Variants in EYA3 observed in about 807,000 individuals in gnomAD.
The protein encoded by EYA3 is EYA transcriptional coactivator and phosphatase 3, also known as protein phosphatase EYA3.
Under a neutral mutation model 80.0 loss-of-function variants are expected in EYA3, and 39 were observed. The observed-to-expected ratio is 0.49, with a 90% CI of 0.38 to 0.64. EYA3 has a LOEUF of 0.64. Ranked by LOEUF, EYA3 falls within the 30% of genes least tolerant of loss-of-function variation. The pLI is 0.00. For synonymous variants in EYA3, 206 were observed against 232.8 expected (o/e 0.88, Z 1.05); for missense variants, 523 against 676.1 (o/e 0.77, Z 2.51).
rs1262851311 is a variant in EYA3, at chr1:27,971,246, G to C, written c.*3220C>G. On this transcript the variant is annotated 3_prime_UTR_variant, in exon 18 of 18. Transcript: ENST00000373871. ...TCAACCCAAGACACACCTCACTCCA[G>C]ATCTACTACTAGAGAGAGCCCTCAC... is the stretch of plus-strand genomic sequence containing the variant. 1 of 152,202 alleles carries C rather than the reference G, an allele frequency of 6.6e-6. No individual in the cohort carries two copies. The highest frequency in any genetic ancestry group is 2.4e-5 in the African/African-American group (1 of 41,376). The allele number at this position is 152,202 out of a possible 1,614,324, so 9.4% of individuals were successfully genotyped here.
At chr1:27,983,809 C>T (rs562890901) in intron 16 of EYA3, among the ~76,000 whole-genome samples, 18 of 152,294 alleles carry the variant, frequency 1.2e-4, no homozygotes, top group African/African-American at 4.3e-4. Context: ...GCGTGTGCCA[C>T]CACGCCCAGC....
At chr1:28,045,046 C>A (rs745523023) in intron 3 of EYA3, among the ~76,000 whole-genome samples, 1 of 152,178 alleles carries the variant, frequency 6.6e-6, no homozygotes, top group Non-Finnish European at 1.5e-5. Context: ...GCTGGAATTA[C>A]AGGTGTGAGC....
At position 28,017,201 on chromosome 1, in the gene EYA3, TAGA is replaced by T. The variant is rs746675388; in HGVS notation, c.535_537del (p.Ser179del). On this transcript the variant is annotated inframe_deletion, in exon 8 of 18. Coordinates refer to ENST00000373871, the MANE Select transcript of EYA3 (RefSeq NM_001990.4). Reference sequence around the variant, plus strand: ...GCTGCTGCTGGAATATTGGCAATTGTAGAAGAAGTAGATATCAGGCTGGCATTT... The same window carrying T: ...GCTGCTGCTGGAATATTGGCAATTGTAGAAGTAGATATCAGGCTGGCATTT... 11 of 1,613,814 alleles carry T rather than the reference TAGA, an allele frequency of 6.8e-6. No homozygotes were observed. The highest frequency in any genetic ancestry group is 1.6e-4 in the Middle Eastern group (1 of 6,080).
chr1:28,061,698 C>T (rs1362069632), intron 1 of EYA3, among the ~76,000 whole-genome samples: 1 of 151,944 alleles, frequency 6.6e-6, no homozygotes, highest in Non-Finnish European at 1.5e-5. Flanking sequence ...CTCCCAGGTT[C>T]ACGCCATTCT....
chr1:28,013,166 C>G lies in EYA3; in HGVS notation c.714G>C (p.Gln238His). The G allele has an allele frequency of 1.2e-6, 2 of 1,614,112 alleles. No homozygotes were observed. Among genetic ancestry groups the G allele is most frequent in the Non-Finnish European group, 1.7e-6 (2 of 1,180,000 alleles). Residue 238 changes from glutamine (Q) to histidine (H), a missense_variant, in exon 9 of 18, where the codon CAG becomes CAC. Physicochemically the swap from Gln to His is conservative, Grantham distance 24. Transcript: ENST00000373871. This position sits in a 1 kb window ranked among gnomAD's most constrained non-coding sequence, Gnocchi z 4.0. ...ESTTLAATTY[Q>H]SEKPSVMAPA... The stretch of plus-strand genomic sequence containing the variant: ...GCGCCATGACACTAGGCTTCTCCGA[C>G]TGGTATGTGGTTGCTGCTAATGTGG...
Position 27,989,660 on chromosome 1 carries a change from G to C in EYA3, c.1418+37C>G, listed in dbSNP as rs376435627. ...CTGAACTGGAGTAGAAGAATATGTC[G>C]CTGAGAGGATGAGACCTAAAAGAAC... On this transcript the variant is annotated intron_variant, in intron 15 of 17. Coordinates refer to ENST00000373871, the MANE Select transcript of EYA3 (RefSeq NM_001990.4). 3.7e-6 allele frequency: 5 copies of C among 1,344,230 alleles called. No individual in the cohort carries two copies. In the African/African-American group the frequency reaches 7.3e-5, roughly 20 times the overall value. The allele number at this position is 1,344,230 out of a possible 1,614,324, so 83.3% of individuals were successfully genotyped here.
At chr1:27,980,432 G>C (rs769671797) in intron 16 of EYA3, among the ~76,000 whole-genome samples, 8 of 152,114 alleles carry the variant, frequency 5.3e-5, no homozygotes, top group Non-Finnish European at 1.2e-4. Context: ...ATATTTTGAG[G>C]ATAAGAACAC....
intron 7 of EYA3, among the ~76,000 whole-genome samples, chr1:28,027,578 C>T (rs1642860617): frequency 6.6e-6 from 1 of 152,152 alleles, no homozygotes; most frequent in Non-Finnish European, 1.5e-5. Flanking sequence ...AAGCAGCTCA[C>T]ATTCAAAGGC....
intron 1 of EYA3, among the ~76,000 whole-genome samples, chr1:28,063,307 T>A (rs78392339): frequency 0.035 from 5,072 of 143,940 alleles, 91 homozygotes; most frequent in Non-Finnish European, 0.046. Context: ...ATATATATAT[T>A]TTTTTTTATT....
chr1:27,989,667 G>A, intron 15 of EYA3, 30 bp downstream of exon 15: 1 of 1,406,492 alleles, frequency 7.1e-7, no homozygotes, highest in Admixed American at 1.8e-5. Context: ...GTCGCTGAGA[G>A]GATGAGACCT....
rs1173842687 is a variant in EYA3 at position 28,014,417 on chromosome 1, CAAAAAAAAAAAAA to C, written c.586-1136_586-1124del. Among the ~76,000 whole-genome samples the C allele has an allele frequency of 4.8e-4, 24 of 49,534 alleles. No homozygotes were observed. The South Asian group carries it at 0.012, about 24-fold the overall frequency. 32.5% of individuals were successfully genotyped at this position (49,534 alleles called of 152,430 possible). ...CTCTAGCCTAGGTGACACACTGTCT[CAAAAAAAAAAAAA>C]AAAAAAAAAAAAAAAGGCCAGGCAC... On this transcript the variant is annotated intron_variant, in intron 8 of 17. Coordinates refer to ENST00000373871, the MANE Select transcript of EYA3 (RefSeq NM_001990.4).
At chr1:28,018,837 T>A (rs963075611) in intron 7 of EYA3, among the ~76,000 whole-genome samples, 1 of 152,186 alleles carries the variant, frequency 6.6e-6, no homozygotes, top group Non-Finnish European at 1.5e-5. Flanking sequence ...CAGTGCTTCT[T>A]CCTCAGGGTC....
intron 10 of EYA3, among the ~76,000 whole-genome samples, chr1:28,006,344 G>A (rs1278893816): frequency 6.6e-6 from 1 of 152,000 alleles, no homozygotes; most frequent in African/African-American, 2.4e-5. Context: ...TCTATTCCTA[G>A]TTTATTATTT....
At chr1:27,985,787 G>A (rs1413842675) in intron 16 of EYA3, among the ~76,000 whole-genome samples, 1 of 152,002 alleles carries the variant, frequency 6.6e-6, no homozygotes, top group African/African-American at 2.4e-5. Flanking sequence ...TCATCATGTT[G>A]ACTAGGCTGG....
At chr1:28,011,937 CTACTT>C (rs1641723223) in intron 9 of EYA3, among the ~76,000 whole-genome samples, 1 of 151,910 alleles carries the variant, frequency 6.6e-6, no homozygotes, top group Admixed American at 6.6e-5. Context: ...GGGTTGGATC[CTACTT>C]TAAACAAAAG....
intron 2 of EYA3, among the ~76,000 whole-genome samples, chr1:28,049,135 T>C (rs1397112704): frequency 6.6e-6 from 1 of 152,202 alleles, no homozygotes; most frequent in Non-Finnish European, 1.5e-5. Flanking sequence ...TATTTCAAGC[T>C]AATAGAAGAA....
intron 13 of EYA3, among the ~76,000 whole-genome samples, chr1:27,996,587 T>C (rs947972020): frequency 6.6e-6 from 1 of 152,250 alleles, no homozygotes; most frequent in Non-Finnish European, 1.5e-5. Flanking sequence ...CAGCTCTACC[T>C]GACTAGGTCC....
chr1:27,992,506 C>T (rs978598862), intron 14 of EYA3, among the ~76,000 whole-genome samples: 1 of 152,338 alleles, frequency 6.6e-6, no homozygotes, highest in African/African-American at 2.4e-5. Flanking sequence ...TGGTTGCTAA[C>T]AGGCCGCTGA....
chr1:28,069,630 G>A (rs1644954037), intron 1 of EYA3, among the ~76,000 whole-genome samples: 1 of 149,326 alleles, frequency 6.7e-6, no homozygotes, highest in Non-Finnish European at 1.5e-5. Flanking sequence ...AAGAGGAGAA[G>A]GAAGGAAGGG....
Sources: gnomAD v4.1 joint callset for allele counts (sites outside exome capture counted in the v4.1 genomes callset) on GRCh38, gnomAD v4.1.1 for gene constraint, Gnocchi (gnomAD v3.1) non-coding constraint, MANE v1.5 for transcripts, NCBI Gene and HGNC (gene_info 2026-07-23, HGNC 2026-07-21) for gene names.